Variants in RARB observed in about 807,000 individuals in gnomAD.
The protein encoded by RARB is retinoic acid receptor beta, also known as HBV-activated protein.
Under a neutral mutation model 51.9 loss-of-function variants are expected in RARB, and 17 were observed. The observed-to-expected ratio is 0.33, with a 90% CI of 0.22 to 0.49. The LOEUF is 0.49. Ranked by LOEUF, RARB falls within the 20% of genes least tolerant of loss-of-function variation. The pLI is 0.99. For synonymous variants in RARB, 215 were observed against 195.4 expected, an observed-to-expected ratio of 1.10 and a Z score of -0.84; for missense variants, 369 against 550.8, an observed-to-expected ratio of 0.67 and a Z score of 3.30.
At chr3:25,188,591 G>C (rs1182115712) in intron 5 of RARB, among the ~76,000 whole-genome samples, 1 of 152,094 alleles carries the variant, frequency 6.6e-6, no homozygotes, top group Non-Finnish European at 1.5e-5. Flanking sequence ...CAGCTTCTTT[G>C]AAAGCGGTAT....
chr3:24,988,912 G>C (rs1011677972), intron 2 of RARB, among the ~76,000 whole-genome samples: 1 of 152,080 alleles, frequency 6.6e-6, no homozygotes, highest in African/African-American at 2.4e-5. Flanking sequence ...TGCAACCTCC[G>C]CTTCCCAGGC....
chr3:25,066,595 G>A (rs980924015), intron 3 of RARB, among the ~76,000 whole-genome samples: 2 of 142,320 alleles, frequency 1.4e-5, no homozygotes, highest in South Asian at 2.2e-4. Context: ...ATGTGCACAC[G>A]CACACATAAA....
intron 5 of RARB, among the ~76,000 whole-genome samples, chr3:25,395,914 T>C (rs1707101218): frequency 6.6e-6 from 1 of 152,212 alleles, no homozygotes; most frequent in South Asian, 2.1e-4. Flanking sequence ...GTGTGATCTT[T>C]GTGGGGAGTT....
rs78613632 is a variant in RARB at position 25,171,029 on chromosome 3, G to A, written c.-279-3090G>A. Among the ~76,000 whole-genome samples the A allele has an allele frequency of 7.0e-3, 1,063 of 151,168 alleles. 16 individuals are homozygous for A. Among genetic ancestry groups the A allele is most frequent in the African/African-American group, 0.025 (1,012 of 41,178 alleles). On this transcript the variant is annotated intron_variant, in intron 4 of 11. Coordinates refer to the RARB transcript ENST00000383772. ...ATTTTAATCTTTTTTTTTTCATTTA[G>A]TATGTTCTTGTAAAACACTTATTTT... is the stretch of plus-strand genomic sequence containing the variant.
chr3:25,234,202 G>A (rs1432161306), intron 5 of RARB, among the ~76,000 whole-genome samples: 1 of 152,186 alleles, frequency 6.6e-6, no homozygotes, highest in Non-Finnish European at 1.5e-5. Context: ...AGTTTTCTTT[G>A]TTGAAGGTTT....
At chr3:25,073,421 T>C (rs78103883) in intron 3 of RARB, among the ~76,000 whole-genome samples, 2 of 152,208 alleles carry the variant, frequency 1.3e-5, no homozygotes, top group Admixed American at 1.3e-4. Flanking sequence ...CTCAGAACAT[T>C]AGTTCTGCAA....
intron 4 of RARB, among the ~76,000 whole-genome samples, chr3:25,166,949 A>G (rs371543917): frequency 1.3e-5 from 2 of 152,336 alleles, no homozygotes; most frequent in East Asian, 1.9e-4. Flanking sequence ...TGTAGAAGAC[A>G]TTTGACACAT....
chr3:25,242,270 A>G (rs1443583672), intron 5 of RARB, among the ~76,000 whole-genome samples: 1 of 152,004 alleles, frequency 6.6e-6, no homozygotes, highest in Non-Finnish European at 1.5e-5. Flanking sequence ...GTTCACTCTG[A>G]TGGTAGTTTA....
chr3:25,583,741 C>T (rs1279046263), intron 5 of RARB, among the ~76,000 whole-genome samples: 1 of 152,232 alleles, frequency 6.6e-6, no homozygotes, highest in Non-Finnish European at 1.5e-5. Flanking sequence ...GCCGGGCTTC[C>T]TTCACGAGGT....
At chr3:25,443,792 G>A (rs1199316533) in intron 1 of RARB, among the ~76,000 whole-genome samples, 9 of 151,238 alleles carry the variant, frequency 6.0e-5, no homozygotes, top group East Asian at 2.0e-4. Flanking sequence ...TTAGCTGGGC[G>A]TGGTGATGGG....
chr3:25,447,880 A>G (rs1394228676), intron 1 of RARB, among the ~76,000 whole-genome samples: 2 of 152,154 alleles, frequency 1.3e-5, no homozygotes, highest in Non-Finnish European at 2.9e-5. Flanking sequence ...AGTGAAGGTC[A>G]CCAAATCAAG....
chr3:25,034,798 G>C (rs1308819565), intron 2 of RARB, among the ~76,000 whole-genome samples: 1 of 152,148 alleles, frequency 6.6e-6, no homozygotes, highest in Non-Finnish European at 1.5e-5. Flanking sequence ...AAAAATGGGA[G>C]ATTTTGTGTA....
intron 2 of RARB, among the ~76,000 whole-genome samples, chr3:24,861,607 A>G (rs1702749099): frequency 6.6e-6 from 1 of 152,054 alleles, no homozygotes; most frequent in Admixed American, 6.5e-5. Context: ...AAAAAAAAAA[A>G]AAAAAAAACC....
intron 5 of RARB, among the ~76,000 whole-genome samples, chr3:25,265,042 C>T (rs57967352): frequency 6.6e-6 from 1 of 152,088 alleles, no homozygotes; most frequent in Non-Finnish European, 1.5e-5. Context: ...ACAGGAAATG[C>T]GCCCTTCTCA....
At chr3:25,177,037 C>T (rs1462997431) in intron 5 of RARB, among the ~76,000 whole-genome samples, 1 of 152,038 alleles carries the variant, frequency 6.6e-6, no homozygotes, top group Admixed American at 6.5e-5. Flanking sequence ...GGAGAAGGGG[C>T]AGAAAAAGGA....
intron 1 of RARB, among the ~76,000 whole-genome samples, chr3:25,452,554 A>G (rs1290777778): frequency 6.6e-6 from 1 of 152,208 alleles, no homozygotes; most frequent in Non-Finnish European, 1.5e-5. Flanking sequence ...AGAGAATTAC[A>G]AAGTTCTGCA....
At chr3:25,373,885 CA>C (rs1391994184) in intron 5 of RARB, among the ~76,000 whole-genome samples, 1 of 152,032 alleles carries the variant, frequency 6.6e-6, no homozygotes, top group Non-Finnish European at 1.5e-5. Context: ...AGGAATGAAC[CA>C]AAAATCAGGG....
intron 2 of RARB, among the ~76,000 whole-genome samples, chr3:24,859,342 G>A (rs765820676): frequency 2.0e-5 from 3 of 152,100 alleles, no homozygotes; most frequent in African/African-American, 7.2e-5. Flanking sequence ...TTCAGGGGGT[G>A]GAACTTCGTT....
chr3:25,469,059 C>A (rs925833660), intron 2 of RARB, among the ~76,000 whole-genome samples: 2 of 152,212 alleles, frequency 1.3e-5, no homozygotes, highest in Non-Finnish European at 2.9e-5. Flanking sequence ...ACTCCACTAG[C>A]CCCCTCAGTC....
Sources: gnomAD v4.1 joint callset for allele counts (sites outside exome capture counted in the v4.1 genomes callset) on GRCh38, gnomAD v4.1.1 for gene constraint, MANE v1.5 for transcripts, NCBI Gene and HGNC (gene_info 2026-07-23, HGNC 2026-07-21) for gene names.